MR1: variants seen among roughly 807,000 people sequenced by gnomAD.
MR1 encodes major histocompatibility complex, class I-related.
Under a neutral mutation model 37.8 loss-of-function variants are expected in MR1, and 44 were observed. The observed-to-expected ratio is 1.16, with a 90% confidence interval of 0.91 to 1.50. The LOEUF (loss-of-function observed/expected upper bound fraction) is 1.50, where lower values mean the gene tolerates loss of function less well. Ranked by LOEUF, MR1 falls within the 40% of genes most tolerant of loss-of-function variation. The probability of loss-of-function intolerance (pLI) is 0.00; values close to 1 mark genes in which losing one functional copy is unlikely to be tolerated. For missense variants in MR1, 386 were observed against 419.1 expected (o/e 0.92, Z 0.69); for synonymous variants, 153 against 155.8 (o/e 0.98, Z 0.13).
upstream of MR1, chr1:181,033,981 T>C (rs372691738): frequency 1.5e-5 from 24 of 1,600,356 alleles, no homozygotes; most frequent in Non-Finnish European, 2.0e-5. Context: ...CAGTTTTTGG[T>C]TAAAAGAACC....
chr1:181,047,005 CACCGCGAGGGTCCACGGCTTCATTCTTGA>C (rs1163796421), intron 1 of MR1, among the ~76,000 whole-genome samples: 4 of 152,192 alleles, frequency 2.6e-5, no homozygotes, highest in Non-Finnish European at 5.9e-5. Context: ...CTGTAACACT[CACCGCGAGGGTCCACGGCTTCATTCTTGA>C]AGTCAGTGAC....
intron 1 of MR1, among the ~76,000 whole-genome samples, chr1:181,044,295 G>A (rs1434246078): frequency 6.6e-6 from 1 of 152,148 alleles, no homozygotes; most frequent in Admixed American, 6.5e-5. Context: ...GCTTATAAAT[G>A]AGGAGGAAGG....
At chr1:181,053,296 C>T (rs59252681) in intron 4 of MR1, among the ~76,000 whole-genome samples, 3,309 of 151,572 alleles carry the variant, frequency 0.022, 115 homozygotes, top group African/African-American at 0.076. Context: ...GTGGGAGGAT[C>T]GCTTGAGCCC....
intron 1 of MR1, among the ~76,000 whole-genome samples, chr1:181,047,327 A>G (rs1657941153): frequency 6.6e-6 from 1 of 152,190 alleles, no homozygotes. Flanking sequence ...TCGGCCGGCC[A>G]TGGTGGCTCA....
At chr1:181,055,056 TAG>T (rs1658539032) in intron 5 of MR1, among the ~76,000 whole-genome samples, 167 bp from the exon 6 acceptor site, 1 of 152,228 alleles carries the variant, frequency 6.6e-6, no homozygotes, top group Admixed American at 6.5e-5. Context: ...TTTTATCTTA[TAG>T]AGTTTACAAA....
At chr1:181,048,971 C>A in intron 1 of MR1, 81 bp from the exon 2 acceptor site, 2 of 1,535,860 alleles carry the variant, frequency 1.3e-6, no homozygotes, top group Non-Finnish European at 1.8e-6. Context: ...AGGGAGCACT[C>A]GTGTGGGGCT....
chr1:181,055,912 C>T lies in MR1; in HGVS notation c.*647C>T, dbSNP rs1348064680. On this transcript the variant is annotated 3_prime_UTR_variant, in exon 6 of 6. Transcript: ENST00000367580. ...CCCCTGCTGTTCACAGCAACCCTGCCTGGGAGCTTGGAATCTTGGTAATCT... is the reference window on the plus strand; with the variant it reads ...CCCCTGCTGTTCACAGCAACCCTGCTTGGGAGCTTGGAATCTTGGTAATCT... The T allele has an allele frequency of 1.3e-5, 2 of 152,254 alleles. No homozygotes were observed. Among genetic ancestry groups the T allele is most frequent in the African/African-American group, 2.4e-5 (1 of 41,440 alleles). The allele number at this position is 152,254 out of a possible 1,614,324, so 9.4% of individuals were successfully genotyped here.
intron 1 of MR1, among the ~76,000 whole-genome samples, chr1:181,048,224 T>TAAA (rs150048614): frequency 7.9e-6 from 1 of 126,974 alleles, no homozygotes; most frequent in Admixed American, 8.0e-5. Context: ...CTCAAAAAAA[T>TAAA]AAATAAAATA....
chr1:181,057,059 G>T lies in MR1; in HGVS notation c.*1794G>T, dbSNP rs898955859. 3.3e-5 allele frequency: 5 copies of T among 152,302 alleles called. No homozygotes were observed. Among genetic ancestry groups the T allele is most frequent in the African/African-American group, 1.2e-4 (5 of 41,506 alleles). 9.4% of individuals were successfully genotyped at this position (152,302 alleles called of 1,614,324 possible). ...CACTTGAATCTATAAGGCAGAGGTG[G>T]CAGTGAGCCGAGATCACACCACTGC... On this transcript the variant is annotated 3_prime_UTR_variant, in exon 6 of 6. Transcript: ENST00000367580.
In MR1 at chr1:181,042,001, C is replaced by T. The variant is rs3908848; in HGVS notation, c.68-7051C>T. Reference sequence around the variant, plus strand: ...AATCAATATTAAGGAAGTGTGAGAACTAATATTCACAACTTGTTCCTCCTT... The same window carrying T: ...AATCAATATTAAGGAAGTGTGAGAATTAATATTCACAACTTGTTCCTCCTT... On this transcript the variant is annotated intron_variant, in intron 1 of 5. Transcript: ENST00000367580. 2.4e-4 allele frequency among the ~76,000 whole-genome samples: 37 copies of T among 152,196 alleles called. 1 individual carries two copies. The highest frequency in any genetic ancestry group is 2.9e-5 in the Non-Finnish European group (2 of 68,006).
At chr1:181,035,621 A>T (rs1438153387) in intron 1 of MR1, among the ~76,000 whole-genome samples, 1 of 152,192 alleles carries the variant, frequency 6.6e-6, no homozygotes, top group East Asian at 1.9e-4. Flanking sequence ...ATAATATGGA[A>T]TAATATTCCT....
chr1:181,046,307 CGT>C (rs1455272747), intron 1 of MR1, among the ~76,000 whole-genome samples: 1 of 152,210 alleles, frequency 6.6e-6, no homozygotes, highest in Non-Finnish European at 1.5e-5. Context: ...CTGGTGGGGA[CGT>C]GGAGAACCTT....
chr1:181,046,711 G>C (rs1221112794), intron 1 of MR1, among the ~76,000 whole-genome samples: 7 of 152,088 alleles, frequency 4.6e-5, no homozygotes, highest in African/African-American at 1.7e-4. Flanking sequence ...TTCGCTCTTT[G>C]CAATAAATCC....
At chr1:181,054,876 A>G (rs1321623147) in intron 5 of MR1, among the ~76,000 whole-genome samples, 3 of 152,102 alleles carry the variant, frequency 2.0e-5, no homozygotes, top group Admixed American at 2.0e-4. Context: ...AAGAAAAAAG[A>G]AAAGAAAAGA....
At chr1:181,050,354 A>T in intron 3 of MR1, 68 bp downstream of exon 3, 1 of 1,586,022 alleles carries the variant, frequency 6.3e-7, no homozygotes, top group Non-Finnish European at 8.6e-7. Flanking sequence ...AACTCTTTTA[A>T]TCTAGGTTAT....
chr1:181,042,271 C>T (rs1222680614), intron 1 of MR1, among the ~76,000 whole-genome samples: 4 of 148,514 alleles, frequency 2.7e-5, no homozygotes, highest in Non-Finnish European at 4.4e-5. Flanking sequence ...GGCGCGATCT[C>T]GGCTCACCAC....
intron 2 of MR1, 95 bp from the exon 3 acceptor site, chr1:181,049,916 C>G: frequency 7.0e-7 from 1 of 1,429,442 alleles, no homozygotes; most frequent in Non-Finnish European, 9.6e-7. Flanking sequence ...ATAATGTAGA[C>G]CAAAGGATGC....
chr1:181,054,849 G>A (rs1406171795), intron 5 of MR1, among the ~76,000 whole-genome samples: 1 of 152,002 alleles, frequency 6.6e-6, no homozygotes, highest in African/African-American at 2.4e-5. Context: ...CAGCAAGAGC[G>A]AGACTCTGTC....
intron 1 of MR1, among the ~76,000 whole-genome samples, chr1:181,039,123 A>G (rs553139717): frequency 1.3e-5 from 2 of 152,206 alleles, no homozygotes; most frequent in African/African-American, 4.8e-5. Context: ...CCTATTTTCT[A>G]TCTGTGGGTT....
Sources: allele counts gnomAD v4.1 joint callset (sites outside exome capture counted in the v4.1 genomes callset), GRCh38; gene constraint gnomAD v4.1.1; transcripts MANE v1.5; gene names NCBI Gene and HGNC (gene_info 2026-07-23, HGNC 2026-07-21).